The following GPC5 variants were observed in gnomAD, a reference collection of about 807,000 sequenced individuals.
The protein encoded by GPC5 is glypican-5.
In GPC5, 47 loss-of-function variants were observed where a neutral mutation model predicts 53.9. That is an observed-to-expected ratio of 0.87 (90% CI 0.69 to 1.11). The LOEUF is 1.11. Among genes scored for constraint, GPC5 ranks in the 50% most tolerant of loss-of-function variants. GPC5 has a pLI of 0.00. For missense variants in GPC5, 748 were observed against 713.1 expected (o/e 1.05, Z -0.56); for synonymous variants, 286 against 263.3 (o/e 1.09, Z -0.84).
At chr13:92,469,696 G>GTAAC (rs1878836547) in intron 7 of GPC5, among the ~76,000 whole-genome samples, 1 of 152,040 alleles carries the variant, frequency 6.6e-6, no homozygotes, top group Non-Finnish European at 1.5e-5. Flanking sequence ...TGAACTTCTT[G>GTAAC]TAACTTCTAT....
intron 2 of GPC5, among the ~76,000 whole-genome samples, chr13:91,595,807 T>C (rs1235548109): frequency 6.6e-6 from 1 of 152,224 alleles, no homozygotes; most frequent in Non-Finnish European, 1.5e-5. Context: ...CCTCCCTTTC[T>C]CTTCATGACC....
At chr13:91,713,340 C>T (rs900623320) in intron 3 of GPC5, among the ~76,000 whole-genome samples, 1 of 145,286 alleles carries the variant, frequency 6.9e-6, no homozygotes, top group Admixed American at 6.8e-5. Flanking sequence ...CTTTAAAATA[C>T]TTTCTCGAAT....
chr13:91,891,209 T>C (rs1027871984), intron 5 of GPC5, among the ~76,000 whole-genome samples: 3 of 152,138 alleles, frequency 2.0e-5, no homozygotes, highest in Non-Finnish European at 4.4e-5. Flanking sequence ...AAAGATTTTT[T>C]TTAGAAACAA....
intron 7 of GPC5, among the ~76,000 whole-genome samples, chr13:92,344,230 G>A (rs904542681): frequency 1.7e-4 from 26 of 152,088 alleles, no homozygotes; most frequent in African/African-American, 5.8e-4. Flanking sequence ...CAGGAGGAAG[G>A]AGAAATGCCA....
At chr13:92,786,668 A>AAAAT (rs1876244401) in intron 7 of GPC5, among the ~76,000 whole-genome samples, 2 of 152,150 alleles carry the variant, frequency 1.3e-5, no homozygotes, top group Non-Finnish European at 2.9e-5. Flanking sequence ...CAGTAATTAT[A>AAAAT]AAATAAATAA....
At chr13:91,873,379 C>T (rs182228231) in intron 5 of GPC5, among the ~76,000 whole-genome samples, 7 of 152,156 alleles carry the variant, frequency 4.6e-5, no homozygotes, top group Non-Finnish European at 7.4e-5. Flanking sequence ...GCTGTGTCCC[C>T]GCCCAAATCT....
rs76312408 is a variant in GPC5 at position 91,560,035 on chromosome 13, G to C, written c.325+111113G>C. ...TAAGGCTGAATTCATTGATACGACTGTACTTATTAGAGAGTCCAGATATAG... is the reference window on the plus strand; with the variant it reads ...TAAGGCTGAATTCATTGATACGACTCTACTTATTAGAGAGTCCAGATATAG... On this transcript the variant is annotated intron_variant, in intron 2 of 7. Transcript: ENST00000377067. Among the ~76,000 whole-genome samples the C allele has an allele frequency of 4.9e-3, 736 of 148,840 alleles. 8 individuals carry two copies. The highest frequency in any genetic ancestry group is 0.017 in the African/African-American group (667 of 39,348).
intron 6 of GPC5, among the ~76,000 whole-genome samples, chr13:91,952,197 G>GTGTGTGTC (rs1555299533): frequency 1.7e-5 from 2 of 120,854 alleles, no homozygotes; most frequent in African/African-American, 5.0e-5. Flanking sequence ...CTCTGTGTGT[G>GTGTGTGTC]TGTGTGTGTG....
chr13:92,612,007 G>A (rs904887075), intron 7 of GPC5, among the ~76,000 whole-genome samples: 2 of 152,004 alleles, frequency 1.3e-5, no homozygotes, highest in Admixed American at 1.3e-4. Flanking sequence ...TTTTAGACAT[G>A]ACTTGGTAAA....
At chr13:92,492,599 A>G (rs189515338) in intron 7 of GPC5, among the ~76,000 whole-genome samples, 134 of 152,338 alleles carry the variant, frequency 8.8e-4, no homozygotes, top group African/African-American at 3.2e-3. Flanking sequence ...GTAATTCCCT[A>G]AACCATAAAA....
At chr13:91,886,665 A>T (rs1005512236) in intron 5 of GPC5, among the ~76,000 whole-genome samples, 1 of 152,220 alleles carries the variant, frequency 6.6e-6, no homozygotes, top group Non-Finnish European at 1.5e-5. Context: ...AAATGGGAGA[A>T]ATTGGTCGAA....
intron 7 of GPC5, among the ~76,000 whole-genome samples, chr13:92,320,946 T>C (rs906424541): frequency 6.6e-5 from 10 of 152,304 alleles, no homozygotes; most frequent in Middle Eastern, 3.4e-3. Flanking sequence ...AATAAATCCC[T>C]GGTATTTTAT....
intron 6 of GPC5, among the ~76,000 whole-genome samples, chr13:92,046,489 A>T (rs938398591): frequency 1.3e-5 from 2 of 152,220 alleles, no homozygotes; most frequent in African/African-American, 4.8e-5. Context: ...AGTCCTGAGG[A>T]TCAAAAGAAG....
intron 6 of GPC5, among the ~76,000 whole-genome samples, chr13:92,033,780 C>T (rs899976069): frequency 5.3e-5 from 8 of 152,082 alleles, no homozygotes; most frequent in South Asian, 2.1e-4. Flanking sequence ...TGATATAGGG[C>T]GGAGTCTGCA....
At chr13:92,554,193 G>A (rs1234776776) in intron 7 of GPC5, among the ~76,000 whole-genome samples, 1 of 151,854 alleles carries the variant, frequency 6.6e-6, no homozygotes, top group Non-Finnish European at 1.5e-5. Context: ...ATAGTTTACA[G>A]ATTCATCAAA....
intron 2 of GPC5, among the ~76,000 whole-genome samples, chr13:91,536,574 G>T (rs1388913417): frequency 1.3e-5 from 2 of 152,160 alleles, no homozygotes; most frequent in Non-Finnish European, 2.9e-5. Context: ...CAGCAGGCTT[G>T]GTTCCTTCTG....
At chr13:91,657,486 T>C (rs1296970246) in intron 2 of GPC5, among the ~76,000 whole-genome samples, 1 of 152,156 alleles carries the variant, frequency 6.6e-6, no homozygotes, top group Non-Finnish European at 1.5e-5. Context: ...GCGGATTCTA[T>C]GGCTATCTAA....
chr13:91,718,809 G>A (rs886064884), intron 3 of GPC5, among the ~76,000 whole-genome samples: 4 of 151,846 alleles, frequency 2.6e-5, no homozygotes, highest in African/African-American at 7.3e-5. Flanking sequence ...ATTTTCTCTG[G>A]CTCCTATACC....
At chr13:92,461,653 A>G (rs1262181250) in intron 7 of GPC5, among the ~76,000 whole-genome samples, 1 of 152,116 alleles carries the variant, frequency 6.6e-6, no homozygotes, top group African/African-American at 2.4e-5. Context: ...TCATGGTGGG[A>G]TTAATGCCTT....
Sources: gnomAD v4.1 joint callset for allele counts (sites outside exome capture counted in the v4.1 genomes callset) on GRCh38, gnomAD v4.1.1 for gene constraint, MANE v1.5 for transcripts, NCBI Gene and HGNC (gene_info 2026-07-23, HGNC 2026-07-21) for gene names.